SLC14A2: variants seen among roughly 807,000 people sequenced by gnomAD.
SLC14A2 encodes urea transporter 2.
In SLC14A2, 91 loss-of-function variants were observed where a neutral mutation model predicts 104.6. That is an observed-to-expected ratio of 0.87 (90% CI 0.73 to 1.04). The LOEUF (loss-of-function observed/expected upper bound fraction) is 1.04, where lower values mean the gene tolerates loss of function less well. SLC14A2 is among the 50% of genes least tolerant of loss of function. The probability of loss-of-function intolerance (pLI) is 0.00; values close to 1 mark genes in which losing one functional copy is unlikely to be tolerated. For missense variants in SLC14A2, 1,189 were observed against 1,156.0 expected, an observed-to-expected ratio of 1.03 and a Z score of -0.41; for synonymous variants, 476 against 466.4, an observed-to-expected ratio of 1.02 and a Z score of -0.27.
At chr18:45,534,017 T>A (rs887745542) in intron 2 of SLC14A2, among the ~76,000 whole-genome samples, 4 of 152,062 alleles carry the variant, frequency 2.6e-5, no homozygotes, top group African/African-American at 9.7e-5. Context: ...ACAAAAAACC[T>A]TGTTTAGGGT....
intron 1 of SLC14A2, among the ~76,000 whole-genome samples, chr18:45,454,134 AG>A (rs1248648695): frequency 6.6e-6 from 1 of 152,162 alleles, no homozygotes; most frequent in African/African-American, 2.4e-5. Flanking sequence ...CTGGGATTAC[AG>A]GTGTGAGCCA....
intron 1 of SLC14A2, among the ~76,000 whole-genome samples, chr18:45,294,299 C>T (rs1018085493): frequency 3.3e-5 from 5 of 152,118 alleles, no homozygotes; most frequent in African/African-American, 1.2e-4. Context: ...GCCATAGGGC[C>T]TAAACTAATT....
intron 3 of SLC14A2, 137 bp from the exon 4 acceptor site, chr18:45,626,820 AC>A (rs1165198072): frequency 1.1e-5 from 2 of 186,860 alleles, no homozygotes; most frequent in Non-Finnish European, 2.1e-5. Context: ...CCACCCCTCC[AC>A]CCCGACCCCT....
chr18:45,498,096 C>G (rs923031320), intron 2 of SLC14A2, among the ~76,000 whole-genome samples: 51 of 152,110 alleles, frequency 3.4e-4, no homozygotes, highest in African/African-American at 1.2e-3. Context: ...GAAGTCCATT[C>G]CTGTCCAAGG....
chr18:45,440,495 A>G (rs1209261833), intron 1 of SLC14A2: 2 of 152,238 alleles, frequency 1.3e-5, no homozygotes, highest in Non-Finnish European at 2.9e-5. Flanking sequence ...CCACATGTCC[A>G]CATCAGCAGT....
rs559394780 is a variant in SLC14A2 at position 45,405,659 on chromosome 18, T to C, written c.-124-77574T>C. On this transcript the variant is annotated intron_variant, in intron 1 of 20. Transcript: ENST00000586448. ...GGCTCTTGCCTGTAATTCCAGCGCT[T>C]TGGGAGGCCGAGGCAGGTGGATCTT... Among the ~76,000 whole-genome samples, 35 of 152,206 alleles carry C rather than the reference T, an allele frequency of 2.3e-4. 1 individual carries two copies. Among genetic ancestry groups the C allele is most frequent in the Admixed American group, 2.3e-3 (35 of 15,284 alleles).
At chr18:45,524,903 T>C (rs955558819) in intron 2 of SLC14A2, among the ~76,000 whole-genome samples, 4 of 152,162 alleles carry the variant, frequency 2.6e-5, no homozygotes, top group African/African-American at 9.7e-5. Context: ...TCTCCCAACT[T>C]TGGTGAGATT....
the SLC14A2 span, among the ~76,000 whole-genome samples, chr18:45,194,770 C>G: frequency 6.6e-6 from 1 of 151,104 alleles, no homozygotes; most frequent in Non-Finnish European, 1.5e-5. Context: ...CTCAGCCTCC[C>G]GAGTAGCTGG....
chr18:45,682,454 C>G lies in SLC14A2; in HGVS notation c.2698C>G (p.Leu900Val). 1 of 1,614,192 alleles carries G rather than the reference C, an allele frequency of 6.2e-7. No homozygotes were observed. Residue 900 changes from leucine to valine, a missense_variant, in exon 20 of 20, where the codon CTG becomes GTG. Transcript: ENST00000255226. ...TYPEANRIYY[L>V]SQERNRRASI... ...CCCAGAGGCCAACCGCATCTACTACCTGTCCCAGGAGAGAAACAGAAGGGC... is the reference window on the plus strand; with the variant it reads ...CCCAGAGGCCAACCGCATCTACTACGTGTCCCAGGAGAGAAACAGAAGGGC...
At chr18:45,643,083 G>C in intron 8 of SLC14A2, 49 bp from the exon 9 acceptor site, 2 of 1,589,932 alleles carry the variant, frequency 1.3e-6, no homozygotes, top group Non-Finnish European at 8.6e-7. Context: ...CAGTGGCTTA[G>C]GGGGAAGGCC....
chr18:45,385,989 G>A (rs1313192280), intron 1 of SLC14A2, among the ~76,000 whole-genome samples: 2 of 152,210 alleles, frequency 1.3e-5, no homozygotes, highest in African/African-American at 2.4e-5. Context: ...AAAACACAAT[G>A]ACTGCCCACA....
At chr18:45,430,377 T>G (rs1277928963) in intron 1 of SLC14A2, among the ~76,000 whole-genome samples, 7 of 152,130 alleles carry the variant, frequency 4.6e-5, no homozygotes, top group African/African-American at 1.7e-4. Flanking sequence ...ATAATACATA[T>G]CCCATATGCT....
intron 1 of SLC14A2, among the ~76,000 whole-genome samples, chr18:45,222,319 T>C (rs2084070618): frequency 6.6e-6 from 1 of 152,240 alleles, no homozygotes; most frequent in African/African-American, 2.4e-5. Context: ...GTCTCAGTAC[T>C]GACCTCGTTT....
At chr18:45,517,581 C>A (rs1225300977) in intron 2 of SLC14A2, among the ~76,000 whole-genome samples, 3 of 152,218 alleles carry the variant, frequency 2.0e-5, no homozygotes, top group African/African-American at 7.2e-5. Context: ...ATGCTGCTAT[C>A]CAGCTTGCCG....
chr18:45,662,999 T>C (rs903479081), intron 10 of SLC14A2, among the ~76,000 whole-genome samples: 1 of 152,242 alleles, frequency 6.6e-6, no homozygotes, highest in Non-Finnish European at 1.5e-5. Context: ...AAGAGTGCTC[T>C]GCTCTCCCAA....
intron 2 of SLC14A2, among the ~76,000 whole-genome samples, chr18:45,557,734 G>C (rs2044150922): frequency 6.6e-6 from 1 of 152,100 alleles, no homozygotes; most frequent in Non-Finnish European, 1.5e-5. Context: ...TATTTTGCCT[G>C]TTCTGCCTGG....
the SLC14A2 span, among the ~76,000 whole-genome samples, chr18:45,196,868 A>C: frequency 6.6e-6 from 1 of 152,218 alleles, no homozygotes; most frequent in Non-Finnish European, 1.5e-5. Flanking sequence ...GAAATAACTC[A>C]CAGACCAAGA....
At chr18:45,659,155 T>C (rs1287859017) in intron 10 of SLC14A2, among the ~76,000 whole-genome samples, 3 of 152,216 alleles carry the variant, frequency 2.0e-5, no homozygotes, top group Non-Finnish European at 4.4e-5. Flanking sequence ...TTCCAGGACA[T>C]GCGTGTAACT....
chr18:45,634,148 A>T (rs2045384311), intron 5 of SLC14A2, among the ~76,000 whole-genome samples: 1 of 152,226 alleles, frequency 6.6e-6, no homozygotes, highest in Non-Finnish European at 1.5e-5. Context: ...ACTCCAGTGC[A>T]TTCATCAATC....
Sources: allele counts gnomAD v4.1 joint callset (sites outside exome capture counted in the v4.1 genomes callset), GRCh38; gene constraint gnomAD v4.1.1; transcripts MANE v1.5; gene names NCBI Gene and HGNC (gene_info 2026-07-23, HGNC 2026-07-21).